MYO1D: variants seen among roughly 807,000 people sequenced by gnomAD.
The protein encoded by MYO1D is unconventional myosin-Id.
MYO1D carries 83 observed loss-of-function variants against 122.0 expected under a neutral mutation model. The observed-to-expected ratio is 0.68, with a 90% CI of 0.57 to 0.82. The LOEUF (loss-of-function observed/expected upper bound fraction) is 0.82. Among genes scored for constraint, MYO1D ranks in the 40% least tolerant of loss-of-function variants. MYO1D has a pLI of 0.00. For synonymous variants in MYO1D, 464 were observed against 446.9 expected (o/e 1.04, Z -0.48); for missense variants, 1,157 against 1,269.5 (o/e 0.91, Z 1.35).
intron 15 of MYO1D, among the ~76,000 whole-genome samples, chr17:32,715,546 C>T (rs1184140010): frequency 6.6e-6 from 1 of 152,170 alleles, no homozygotes; most frequent in Non-Finnish European, 1.5e-5. Context: ...CCCCCAAATG[C>T]AGGCGTGTCC....
intron 19 of MYO1D, among the ~76,000 whole-genome samples, chr17:32,642,509 A>T (rs1284736985): frequency 6.6e-6 from 1 of 152,118 alleles, no homozygotes; most frequent in East Asian, 1.9e-4. Flanking sequence ...TGAATCTATA[A>T]ATTACCTTGG....
intron 20 of MYO1D, among the ~76,000 whole-genome samples, chr17:32,615,488 GGAGA>G (rs559760607): frequency 3.3e-5 from 5 of 152,160 alleles, no homozygotes; most frequent in African/African-American, 4.8e-5. Context: ...AAATGTGAGA[GGAGA>G]GAGAGGACCT....
chr17:32,661,605 A>T (rs932920546), intron 16 of MYO1D, among the ~76,000 whole-genome samples: 12 of 152,066 alleles, frequency 7.9e-5, no homozygotes, highest in African/African-American at 2.9e-4. Flanking sequence ...TAGTGAGCCA[A>T]GATTGCACCA....
At chr17:32,654,144 G>A (rs2088439010) in intron 18 of MYO1D, among the ~76,000 whole-genome samples, 197 bp from the exon 19 acceptor site, 1 of 152,132 alleles carries the variant, frequency 6.6e-6, no homozygotes, top group African/African-American at 2.4e-5. Flanking sequence ...ATAGGGAATG[G>A]GAGAGAGGAT....
chr17:32,546,730 A>G (rs1237685660), intron 21 of MYO1D, among the ~76,000 whole-genome samples: 1 of 152,032 alleles, frequency 6.6e-6, no homozygotes, highest in Non-Finnish European at 1.5e-5. Flanking sequence ...CAAGAAAGGA[A>G]TCTCAAATTC....
At chr17:32,577,681 A>G (rs2087291156) in intron 21 of MYO1D, among the ~76,000 whole-genome samples, 1 of 152,142 alleles carries the variant, frequency 6.6e-6, no homozygotes, top group African/African-American at 2.4e-5. Flanking sequence ...AGAGTTGAAA[A>G]TAGAGCATAA....
intron 1 of MYO1D, among the ~76,000 whole-genome samples, chr17:32,795,582 C>A (rs2090406825): frequency 6.6e-6 from 1 of 152,130 alleles, no homozygotes. Context: ...TATACAATGT[C>A]AGCACATGAA....
intron 16 of MYO1D, among the ~76,000 whole-genome samples, chr17:32,711,036 C>G (rs1027537302): frequency 6.6e-6 from 1 of 152,110 alleles, no homozygotes; most frequent in Non-Finnish European, 1.5e-5. Flanking sequence ...GCCCTATGAC[C>G]CAGCAACTTT....
intron 11 of MYO1D, among the ~76,000 whole-genome samples, chr17:32,752,348 T>C (rs772267061): frequency 4.6e-5 from 7 of 151,988 alleles, no homozygotes; most frequent in African/African-American, 7.2e-5. Context: ...TAGGAAAAAC[T>C]CTTCTGGACA....
At chr17:32,682,832 C>T (rs1227937522) in intron 16 of MYO1D, among the ~76,000 whole-genome samples, 1 of 116,616 alleles carries the variant, frequency 8.6e-6, no homozygotes, top group Admixed American at 8.5e-5. Flanking sequence ...TGGATAATAT[C>T]CTGCAGAGTG....
intron 21 of MYO1D, among the ~76,000 whole-genome samples, chr17:32,574,562 A>G (rs1162682164): frequency 6.6e-6 from 1 of 152,202 alleles, no homozygotes; most frequent in East Asian, 1.9e-4. Flanking sequence ...CATGCTGCTC[A>G]TCACCATTGT....
chr17:32,809,257 T>G (rs1303036958), intron 1 of MYO1D, among the ~76,000 whole-genome samples: 1 of 151,886 alleles, frequency 6.6e-6, no homozygotes, highest in Non-Finnish European at 1.5e-5. Flanking sequence ...CTGCTAAGAC[T>G]ACAGGCATGT....
intron 21 of MYO1D, among the ~76,000 whole-genome samples, chr17:32,554,191 GCCCC>G (rs1282939573): frequency 1.3e-5 from 2 of 151,682 alleles, no homozygotes; most frequent in Non-Finnish European, 1.5e-5. Context: ...GAGAGTCCCT[GCCCC>G]TGCCCCTGCC....
intron 16 of MYO1D, among the ~76,000 whole-genome samples, chr17:32,710,965 C>T (rs372807457): frequency 3.3e-5 from 5 of 152,116 alleles, no homozygotes; most frequent in South Asian, 2.1e-4. Context: ...CAGCTGTTGG[C>T]GGTGCAAACT....
intron 1 of MYO1D, among the ~76,000 whole-genome samples, chr17:32,811,616 C>CTTTTTTTTTTTTTT (rs755189217): frequency 1.7e-5 from 1 of 57,502 alleles, no homozygotes; most frequent in African/African-American, 5.8e-5. Context: ...CCCTCACCCT[C>CTTTTTTTTTTTTTT]TTTTTTTTTT....
chr17:32,635,045 G>C (rs2088078773), intron 20 of MYO1D, among the ~76,000 whole-genome samples: 1 of 152,180 alleles, frequency 6.6e-6, no homozygotes, highest in Non-Finnish European at 1.5e-5. Context: ...CAAGCATTCG[G>C]CATGAACAAA....
At chr17:32,725,391 G>A (rs975443737) in intron 14 of MYO1D, among the ~76,000 whole-genome samples, 4 of 151,970 alleles carry the variant, frequency 2.6e-5, no homozygotes, top group Admixed American at 1.3e-4. Flanking sequence ...ATGGTGGCAC[G>A]CTCCTGTAAT....
rs539688813 is a variant in MYO1D, at chr17:32,732,768, G to A, written c.1746+5485C>T. Among the ~76,000 whole-genome samples, 248 of 152,314 alleles carry A rather than the reference G, an allele frequency of 1.6e-3. 3 individuals are homozygous for A. The highest frequency in any genetic ancestry group is 2.4e-3 in the Non-Finnish European group (161 of 68,024). ...TGTAACACAAACAGGGCTGAAACAT[G>A]CCCTTTGCTTGCCACGTTGTGGGTG... is the stretch of plus-strand genomic sequence containing the variant. On this transcript the variant is annotated intron_variant, in intron 14 of 21. Transcript: ENST00000318217.
intron 1 of MYO1D, among the ~76,000 whole-genome samples, chr17:32,828,858 C>T (rs749616670): frequency 2.0e-5 from 3 of 152,106 alleles, no homozygotes; most frequent in Non-Finnish European, 4.4e-5. Flanking sequence ...TCTGTTGGTG[C>T]CATACTACTA....
Sources: allele counts gnomAD v4.1 joint callset (sites outside exome capture counted in the v4.1 genomes callset), GRCh38; gene constraint gnomAD v4.1.1; transcripts MANE v1.5; gene names NCBI Gene and HGNC (gene_info 2026-07-23, HGNC 2026-07-21).